GRAMD2B: variants seen among roughly 807,000 people sequenced by gnomAD.
GRAMD2B encodes GRAM domain-containing protein 2B.
A neutral mutation model predicts 59.2 loss-of-function variants in GRAMD2B; 41 were observed. The ratio of observed to expected loss-of-function variants is 0.69; its 90% CI spans 0.54 to 0.90. GRAMD2B has a LOEUF of 0.90. Among genes scored for constraint, GRAMD2B ranks in the 40% least tolerant of loss-of-function variants. The pLI, the probability that GRAMD2B is intolerant of heterozygous loss-of-function variation, is 0.00. For synonymous variants in GRAMD2B, 161 were observed against 182.7 expected, an observed-to-expected ratio of 0.88 and a Z score of 0.96; for missense variants, 424 against 500.5, an observed-to-expected ratio of 0.85 and a Z score of 1.46.
chr5:126,436,000 G>T (rs1580975267), intron 1 of GRAMD2B, among the ~76,000 whole-genome samples: 2 of 152,154 alleles, frequency 1.3e-5, no homozygotes, highest in East Asian at 1.9e-4. Context: ...GCCTAATGGG[G>T]TAACATAATT....
At chr5:126,476,515 G>A (rs1770661684) in intron 5 of GRAMD2B, among the ~76,000 whole-genome samples, 1 of 152,122 alleles carries the variant, frequency 6.6e-6, no homozygotes, top group Admixed American at 6.5e-5. Flanking sequence ...AAATTATCAT[G>A]AACTTCTCTG....
intron 1 of GRAMD2B, among the ~76,000 whole-genome samples, chr5:126,394,288 A>G (rs1757155203): frequency 6.6e-6 from 1 of 151,810 alleles, no homozygotes; most frequent in Non-Finnish European, 1.5e-5. Context: ...AAAAAAAAAA[A>G]GAAAAGAAAA....
chr5:126,424,473 T>C (rs1246186268), intron 1 of GRAMD2B, among the ~76,000 whole-genome samples: 3 of 152,186 alleles, frequency 2.0e-5, no homozygotes, highest in African/African-American at 4.8e-5. Context: ...TATCATAAGG[T>C]TATACTGATG....
chr5:126,428,934 T>C lies in GRAMD2B; in HGVS notation c.83+5245T>C, dbSNP rs552308446. On this transcript the variant is annotated intron_variant, in intron 1 of 13. Transcript: ENST00000285689. ...AGAAAAAAGAATGCTTATTCACTGT[T>C]GCTGGGGGTGTAAATTAGTTTGACC... is the stretch of plus-strand genomic sequence containing the variant. Among the ~76,000 whole-genome samples, 108 of 152,316 alleles carry C rather than the reference T, an allele frequency of 7.1e-4. 1 individual carries two copies. Among genetic ancestry groups the C allele is most frequent in the African/African-American group, 2.4e-3 (99 of 41,574 alleles).
At chr5:126,368,519 C>T (rs17595984), upstream of GRAMD2B, among the ~76,000 whole-genome samples, 41,167 of 152,148 alleles carry the variant, frequency 0.27, 5,699 homozygotes, top group Non-Finnish European at 0.3. Flanking sequence ...GTGAAATTCA[C>T]CGGGCAAGCC....
chr5:126,484,584 C>G (rs1175188784), intron 10 of GRAMD2B, 60 bp downstream of exon 10: 31 of 1,268,552 alleles, frequency 2.4e-5, no homozygotes, highest in Non-Finnish European at 1.1e-6. Context: ...CTGTTTGTAA[C>G]TTTTTTTTTT....
intron 1 of GRAMD2B, among the ~76,000 whole-genome samples, chr5:126,430,954 T>A (rs925749453): frequency 2.0e-5 from 3 of 152,192 alleles, no homozygotes; most frequent in African/African-American, 7.2e-5. Flanking sequence ...AGTGACAGAA[T>A]TGGAACATAA....
chr5:126,381,671 T>G (rs949708795), intron 1 of GRAMD2B, among the ~76,000 whole-genome samples: 1 of 152,212 alleles, frequency 6.6e-6, no homozygotes, highest in African/African-American at 2.4e-5. Flanking sequence ...AACTGGAGCA[T>G]TTAGGCCATT....
At chr5:126,400,422 A>ATAAAT (rs1757722497) in intron 1 of GRAMD2B, among the ~76,000 whole-genome samples, 1 of 152,128 alleles carries the variant, frequency 6.6e-6, no homozygotes, top group African/African-American at 2.4e-5. Flanking sequence ...TTAACAAATT[A>ATAAAT]TTATAGCTGT....
intron 13 of GRAMD2B, among the ~76,000 whole-genome samples, chr5:126,489,680 A>G (rs1167611794): frequency 1.3e-5 from 2 of 152,242 alleles, no homozygotes; most frequent in African/African-American, 4.8e-5. Flanking sequence ...GGTGAGCTGG[A>G]GAAGAAGATA....
At chr5:126,426,692 T>G (rs1332021990) in intron 1 of GRAMD2B, among the ~76,000 whole-genome samples, 1 of 152,192 alleles carries the variant, frequency 6.6e-6, no homozygotes, top group Non-Finnish European at 1.5e-5. Context: ...GACCCAGTAG[T>G]TAAGATATAT....
At chr5:126,455,649 GT>G (rs765720437) in intron 1 of GRAMD2B, among the ~76,000 whole-genome samples, 4 of 152,200 alleles carry the variant, frequency 2.6e-5, no homozygotes, top group Non-Finnish European at 4.4e-5. Flanking sequence ...AGTAATGAAA[GT>G]TTTGATTTCT....
intron 1 of GRAMD2B, among the ~76,000 whole-genome samples, chr5:126,445,165 C>G (rs1763982537): frequency 6.6e-6 from 1 of 152,142 alleles, no homozygotes; most frequent in African/African-American, 2.4e-5. Flanking sequence ...CATACTTGTG[C>G]CTGTATCTTT....
At chr5:126,441,240 G>A (rs1763240971) in intron 1 of GRAMD2B, among the ~76,000 whole-genome samples, 1 of 152,136 alleles carries the variant, frequency 6.6e-6, no homozygotes, top group African/African-American at 2.4e-5. Context: ...TGTTAGCTGG[G>A]TTTATCTGAA....
chr5:126,393,830 C>G (rs555428848), intron 1 of GRAMD2B, among the ~76,000 whole-genome samples: 2 of 152,234 alleles, frequency 1.3e-5, no homozygotes, highest in East Asian at 1.9e-4. Context: ...CATGAACAGA[C>G]TCTAGAAAGC....
chr5:126,466,687 A>G (rs1768490603), intron 2 of GRAMD2B, among the ~76,000 whole-genome samples: 1 of 152,168 alleles, frequency 6.6e-6, no homozygotes, highest in South Asian at 2.1e-4. Context: ...TGGCCTCCCA[A>G]AGGGCCAGCA....
chr5:126,468,622 G>A (rs957167288), intron 2 of GRAMD2B, among the ~76,000 whole-genome samples: 2 of 151,896 alleles, frequency 1.3e-5, no homozygotes, highest in African/African-American at 4.8e-5. Flanking sequence ...CGAGTAGCTG[G>A]GACTACAGGC....
chr5:126,379,142 T>A (rs1755448464), intron 1 of GRAMD2B, among the ~76,000 whole-genome samples: 2 of 152,012 alleles, frequency 1.3e-5, no homozygotes, highest in African/African-American at 4.8e-5. Context: ...CACTTATGAG[T>A]GAGAACATAC....
chr5:126,475,097 C>A (rs1327216890), intron 5 of GRAMD2B, among the ~76,000 whole-genome samples: 1 of 152,156 alleles, frequency 6.6e-6, no homozygotes, highest in East Asian at 1.9e-4. Context: ...AAGCAGTTTA[C>A]CCTGGAAAAA....
Sources: allele counts gnomAD v4.1 joint callset (sites outside exome capture counted in the v4.1 genomes callset), GRCh38; gene constraint gnomAD v4.1.1; transcripts MANE v1.5; gene names NCBI Gene and HGNC (gene_info 2026-07-23, HGNC 2026-07-21).